SYT1: variants seen among roughly 807,000 people sequenced by gnomAD.
The protein encoded by SYT1 is synaptotagmin-1.
A neutral mutation model predicts 44.8 loss-of-function variants in SYT1; 8 were observed. The ratio of observed to expected loss-of-function variants is 0.18; its 90% confidence interval spans 0.10 to 0.32. The LOEUF (loss-of-function observed/expected upper bound fraction) is 0.32. Among genes scored for constraint, SYT1 ranks in the 10% least tolerant of loss-of-function variants. SYT1 has a pLI of 1.00. For missense variants in SYT1, 286 were observed against 509.3 expected (o/e 0.56, Z 4.22); for synonymous variants, 154 against 188.8 (o/e 0.82, Z 1.51).
intron 1 of SYT1, among the ~76,000 whole-genome samples, chr12:78,940,511 T>A (rs1878291654): frequency 2.0e-5 from 3 of 152,100 alleles, no homozygotes; most frequent in Admixed American, 2.0e-4. Flanking sequence ...TGCCTCAGCC[T>A]CCTGAGTAGC....
intron 3 of SYT1, among the ~76,000 whole-genome samples, chr12:79,065,754 G>C (rs1238235127): frequency 6.6e-6 from 1 of 152,106 alleles, no homozygotes; most frequent in Non-Finnish European, 1.5e-5. Flanking sequence ...AAGTCAAAAT[G>C]ATACAATTTC....
At chr12:79,284,496 G>A (rs2138823693) in intron 4 of SYT1, among the ~76,000 whole-genome samples, 1 of 151,826 alleles carries the variant, frequency 6.6e-6, no homozygotes, top group Non-Finnish European at 1.5e-5. Context: ...TTTTTCATAT[G>A]TCCTGAGCTC....
chr12:79,379,763 G>A (rs1166627128), intron 9 of SYT1, among the ~76,000 whole-genome samples: 3 of 152,070 alleles, frequency 2.0e-5, no homozygotes, highest in African/African-American at 7.2e-5. Flanking sequence ...TACCCATAAG[G>A]TAATTTAAGG....
At chr12:78,876,818 C>CAT (rs1265295500) in intron 1 of SYT1, among the ~76,000 whole-genome samples, 3 of 10,310 alleles carry the variant, frequency 2.9e-4, no homozygotes, top group Admixed American at 1.5e-3. Flanking sequence ...TAATACATAT[C>CAT]ATATATTATA....
chr12:79,040,084 CG>C (rs1428676037), intron 2 of SYT1, among the ~76,000 whole-genome samples: 2 of 151,888 alleles, frequency 1.3e-5, no homozygotes, highest in African/African-American at 4.8e-5. Flanking sequence ...AATAAACATA[CG>C]GGTGCATGTG....
rs80019834 is a variant in SYT1 at position 79,202,477 on chromosome 12, G to A, written c.-17-15026G>A. Among the ~76,000 whole-genome samples, 584 of 152,236 alleles carry A rather than the reference G, an allele frequency of 3.8e-3. 3 individuals are homozygous for A. Among genetic ancestry groups the A allele is most frequent in the African/African-American group, 0.013 (545 of 41,534 alleles). On this transcript the variant is annotated intron_variant, in intron 3 of 10. Coordinates refer to ENST00000261205, the MANE Select transcript of SYT1 (RefSeq NM_005639.3). ...TAACTTTATTAAAGCGTGACTTGTTGAAGAAACAGAAAATAAATTGTTTCT... is the reference window on the plus strand; with the variant it reads ...TAACTTTATTAAAGCGTGACTTGTTAAAGAAACAGAAAATAAATTGTTTCT...
rs181634352 is a variant in SYT1 at position 79,314,117 on chromosome 12, C to A, written c.810+14566C>A. On this transcript the variant is annotated intron_variant, in intron 8 of 10. Transcript: ENST00000261205. Reference sequence around the variant, plus strand: ...CCGGGAGGCGGAGCTTGCAGTGAGCCGAGATCGCGCCACTGCACTCCAGCC... The same window carrying A: ...CCGGGAGGCGGAGCTTGCAGTGAGCAGAGATCGCGCCACTGCACTCCAGCC... Among the ~76,000 whole-genome samples the A allele has an allele frequency of 6.8e-4, 95 of 139,632 alleles. 1 individual carries two copies. The highest frequency in any genetic ancestry group is 2.6e-3 in the African/African-American group (90 of 35,002). The allele number at this position is 139,632 out of a possible 152,430, so 91.6% of individuals were successfully genotyped here.
At chr12:79,407,706 G>T (rs1389317010) in intron 9 of SYT1, among the ~76,000 whole-genome samples, 1 of 152,046 alleles carries the variant, frequency 6.6e-6, no homozygotes, top group Admixed American at 6.6e-5. Flanking sequence ...AAGACTATTT[G>T]GTGGCCCCTC....
At chr12:79,119,753 T>G (rs1370943625) in intron 3 of SYT1, among the ~76,000 whole-genome samples, 1 of 152,184 alleles carries the variant, frequency 6.6e-6, no homozygotes, top group Non-Finnish European at 1.5e-5. Context: ...GAGGAACATT[T>G]CAAATCATTT....
intron 3 of SYT1, among the ~76,000 whole-genome samples, chr12:79,198,982 C>A (rs1258649861): frequency 6.6e-6 from 1 of 152,118 alleles, no homozygotes. Context: ...GAATGACAAA[C>A]CTTCTGTGCT....
In SYT1 at chr12:79,110,205, C is replaced by T. The variant is rs192527205; in HGVS notation, c.-18+62843C>T. Among the ~76,000 whole-genome samples the T allele has an allele frequency of 1.8e-3, 272 of 152,054 alleles. 1 individual carries two copies. The highest frequency in any genetic ancestry group is 2.8e-3 in the Non-Finnish European group (193 of 67,982). On this transcript the variant is annotated intron_variant, in intron 3 of 10. Transcript: ENST00000261205. ...AAGGAAGACCCTGCTATAAGCATAGCGTCCTACACAAGGAATAGCTAGAGA... is the reference window on the plus strand; with the variant it reads ...AAGGAAGACCCTGCTATAAGCATAGTGTCCTACACAAGGAATAGCTAGAGA...
chr12:79,377,740 T>C (rs1593014365), intron 9 of SYT1, among the ~76,000 whole-genome samples: 1 of 152,194 alleles, frequency 6.6e-6, no homozygotes, highest in African/African-American at 2.4e-5. Context: ...TAGAATTATT[T>C]AGTACTAATT....
chr12:79,225,941 A>T (rs1422233551), intron 4 of SYT1, among the ~76,000 whole-genome samples: 3 of 152,172 alleles, frequency 2.0e-5, no homozygotes, highest in African/African-American at 4.8e-5. Context: ...CTGAAATATC[A>T]TGTATTTTAT....
chr12:79,355,307 CACTA>C (rs1429349463), intron 9 of SYT1, among the ~76,000 whole-genome samples: 4 of 152,110 alleles, frequency 2.6e-5, no homozygotes, highest in East Asian at 1.9e-4. Context: ...ACCTGCAATG[CACTA>C]ACTAACTCAG....
intron 4 of SYT1, among the ~76,000 whole-genome samples, chr12:79,273,049 G>A (rs758285564): frequency 5.3e-4 from 81 of 152,074 alleles, no homozygotes; most frequent in Non-Finnish European, 8.1e-4. Flanking sequence ...CCAAGATAGC[G>A]GATTGGAGCC....
At chr12:79,430,820 G>T (rs901480007) in intron 9 of SYT1, among the ~76,000 whole-genome samples, 1 of 152,092 alleles carries the variant, frequency 6.6e-6, no homozygotes, top group African/African-American at 2.4e-5. Flanking sequence ...CAAAAGAGAC[G>T]CTCAGTAGGT....
At chr12:79,432,320 G>A (rs554213772) in intron 9 of SYT1, among the ~76,000 whole-genome samples, 26 of 151,466 alleles carry the variant, frequency 1.7e-4, no homozygotes, top group Admixed American at 9.2e-4. Context: ...CCATTAACTC[G>A]TCATTTACAT....
chr12:78,999,417 C>A (rs941571717), intron 2 of SYT1, among the ~76,000 whole-genome samples: 1 of 152,098 alleles, frequency 6.6e-6, no homozygotes, highest in Non-Finnish European at 1.5e-5. Context: ...AAGTGGGAGA[C>A]TAATAGTGCT....
At chr12:79,099,827 A>G (rs1274960336) in intron 3 of SYT1, among the ~76,000 whole-genome samples, 1 of 152,074 alleles carries the variant, frequency 6.6e-6, no homozygotes, top group Non-Finnish European at 1.5e-5. Context: ...TCTAGTTCAC[A>G]TTTTTCAAAG....
Sources: allele counts gnomAD v4.1 joint callset (sites outside exome capture counted in the v4.1 genomes callset), GRCh38; gene constraint gnomAD v4.1.1; transcripts MANE v1.5; gene names NCBI Gene and HGNC (gene_info 2026-07-23, HGNC 2026-07-21).